The following ERBB2 variants were observed in gnomAD, a reference collection of about 807,000 sequenced individuals.
ERBB2 encodes receptor tyrosine-protein kinase erbB-2.
ERBB2 carries 61 observed loss-of-function variants against 149.0 expected under a neutral mutation model. The observed-to-expected ratio is 0.41, with a 90% CI of 0.33 to 0.51. The LOEUF (loss-of-function observed/expected upper bound fraction) is 0.51. Ranked by LOEUF, ERBB2 falls within the 20% of genes least tolerant of loss-of-function variation. The pLI, the probability that ERBB2 is intolerant of heterozygous loss-of-function variation, is 0.25. For missense variants in ERBB2, 1,205 were observed against 1,655.1 expected (o/e 0.73, Z 4.72); for synonymous variants, 633 against 678.8 (o/e 0.93, Z 1.05).
chr17:39,716,212 C>A (rs2145668901), intron 12 of ERBB2, 89 bp from the exon 13 acceptor site: 1 of 1,426,728 alleles, frequency 7.0e-7, no homozygotes. Flanking sequence ...CCCTCCAGCC[C>A]ACAGCCATGC....
At chr17:39,716,884 T>G in intron 14 of ERBB2, 1 of 505,500 alleles carries the variant, frequency 2.0e-6, no homozygotes. Context: ...GGCGTCAGAC[T>G]ACCTGGATTC....
At chr17:39,701,639 G>T (rs879703477) in intron 1 of ERBB2, among the ~76,000 whole-genome samples, 2 of 152,114 alleles carry the variant, frequency 1.3e-5, no homozygotes, top group Non-Finnish European at 2.9e-5. Context: ...CTACGCCAGG[G>T]TGTTCCTCAG....
At chr17:39,697,656 G>A (rs921529769), upstream of ERBB2, among the ~76,000 whole-genome samples, 1 of 150,690 alleles carries the variant, frequency 6.6e-6, no homozygotes, top group African/African-American at 2.4e-5. Flanking sequence ...GCACCCAGCC[G>A]TGCTAGGGTC....
chr17:39,720,245 T>TTTA (rs1373967197), intron 16 of ERBB2: 1 of 189,316 alleles, frequency 5.3e-6, no homozygotes, highest in Non-Finnish European at 1.1e-5. Flanking sequence ...GAGCAGGTAT[T>TTTA]GCACTTGCAT....
At chr17:39,688,114 C>T, upstream of ERBB2, 1 of 1,105,808 alleles carries the variant, frequency 9.0e-7, no homozygotes, top group East Asian at 3.2e-5. Context: ...CTACTCTCCG[C>T]TGAAGTCCAC....
chr17:39,710,960 C>T (rs952729455), intron 7 of ERBB2, among the ~76,000 whole-genome samples: 1 of 152,206 alleles, frequency 6.6e-6, no homozygotes, highest in Non-Finnish European at 1.5e-5. Context: ...ATCGCAGTGG[C>T]GCGATCTCGG....
At chr17:39,717,820 C>CACACACAT (rs1567907665) in intron 15 of ERBB2, among the ~76,000 whole-genome samples, 1 of 151,090 alleles carries the variant, frequency 6.6e-6, no homozygotes, top group African/African-American at 2.4e-5. Context: ...CACACACACA[C>CACACACAT]ATATGTATTT....
In ERBB2 at chr17:39,715,869, C is replaced by T. The variant is rs55984118; in HGVS notation, c.1443C>T (p.Pro481=). The T allele has an allele frequency of 1.2e-6, 2 of 1,612,802 alleles. No homozygotes were observed. Among genetic ancestry groups the T allele is most frequent in the Non-Finnish European group, 1.7e-6 (2 of 1,180,020 alleles). ...NTHLCFVHTV[P]WDQLFRNPHQ... Reference sequence around the variant, plus strand: ...ACCTCTGCTTCGTGCACACGGTGCCCTGGGACCAGCTCTTTCGGAACCCGC... The same window carrying T: ...ACCTCTGCTTCGTGCACACGGTGCCTTGGGACCAGCTCTTTCGGAACCCGC... Residue 481 remains proline (P), a synonymous_variant, in exon 12 of 27, where the codon CCC becomes CCT. Transcript: ENST00000269571.
rs550828061 is a variant in ERBB2, at chr17:39,700,073, T to C, written c.-166T>C. 34 of 1,270,832 alleles carry C rather than the reference T, an allele frequency of 2.7e-5. No individual in the cohort carries two copies. The highest frequency in any genetic ancestry group is 2.1e-4 in the Admixed American group (5 of 23,902). The allele number at this position is 1,270,832 out of a possible 1,614,324, so 78.7% of individuals were successfully genotyped here. A position where few individuals can be genotyped will look rare whatever the true frequency, so the allele number is the denominator to read the frequency against. ...TTGTGAAGCTGAGATTCCCCTCCAT[T>C]GGGACCGGAGAAACCAGGGGAGCCC... On this transcript the variant is annotated 5_prime_UTR_variant, in exon 1 of 27. Coordinates refer to ENST00000269571, the MANE Select transcript of ERBB2 (RefSeq NM_004448.4).
At position 39,727,813 on chromosome 17, in the gene ERBB2, GGTC is replaced by G. The variant is rs751889439; in HGVS notation, c.3541_3543del (p.Val1181del). On this transcript the variant is annotated inframe_deletion, in exon 27 of 27. Coordinates refer to ENST00000269571, the MANE Select transcript of ERBB2 (RefSeq NM_004448.4). The surrounding 1 kb of genome is among the most constrained non-coding windows in gnomAD (Gnocchi z 4.3). ...AGACTCTCTCCCCAGGGAAGAATGG[GGTC>G]GTCAAAGACGTTTTTGCCTTTGGGG... 3.3e-5 allele frequency: 53 copies of G among 1,613,454 alleles called. No individual in the cohort carries two copies. In the South Asian group the frequency reaches 5.4e-4, roughly 16 times the overall value.
upstream of ERBB2, among the ~76,000 whole-genome samples, chr17:39,697,240 G>T (rs2057883484): frequency 1.3e-5 from 2 of 151,904 alleles, no homozygotes; most frequent in African/African-American, 4.8e-5. Context: ...TTTCTCGAAT[G>T]TTTGTGACAG....
intron 2 of ERBB2, 166 bp downstream of exon 2, chr17:39,707,307 C>T: frequency 3.5e-6 from 2 of 571,842 alleles, no homozygotes; most frequent in Non-Finnish European, 5.9e-6. Context: ...CATTTTACTG[C>T]AGAATCAGTT....
At chr17:39,715,252 C>T (rs2145628104) in intron 9 of ERBB2, 34 bp from the exon 10 acceptor site, 1 of 1,594,606 alleles carries the variant, frequency 6.3e-7, no homozygotes, top group Non-Finnish European at 8.6e-7. Context: ...CACCCTGTTC[C>T]TGGCCCTGCT....
Position 39,716,579 on chromosome 17 carries a change from A to T in ERBB2, c.1711A>T (p.Asn571Tyr). 6.2e-7 allele frequency: 1 copy of T among 1,614,030 alleles called. No individual in the cohort carries two copies. The highest frequency in any genetic ancestry group is 8.5e-7 in the Non-Finnish European group (1 of 1,179,980). ...LPCHPECQPQ[N>Y]GSVTCFGPEA... ...GTGCCACCCTGAGTGTCAGCCCCAG[A>T]ATGGCTCAGTGACCTGTTTTGGACC... The change falls in exon 14 of 27, where the codon AAT becomes TAT. Residue 571 changes from asparagine to tyrosine, a missense_variant. Around this residue, in one of 6 missense-constraint regions of ERBB2, gnomAD observed 569 missense variants for 803.5 expected, o/e 0.71. Transcript: ENST00000269571.
rs200798611 is a variant in ERBB2 at position 39,717,316 on chromosome 17, C to A, written c.1738-4C>A. ...CCCCCACAAATCTTTTCTGCCCCCC[C>A]CAGGAGGCTGACCAGTGTGTGGCCT... On this transcript the variant is annotated splice_polypyrimidine_tract_variant and splice_region_variant and intron_variant, in intron 14 of 26. Coordinates refer to ENST00000269571, the MANE Select transcript of ERBB2 (RefSeq NM_004448.4). 2.4e-5 allele frequency: 39 copies of A among 1,602,990 alleles called. No individual in the cohort carries two copies. Among genetic ancestry groups the A allele is most frequent in the Middle Eastern group, 2.2e-4 (1 of 4,510 alleles).
chr17:39,691,988 G>T (rs1194010481), upstream of ERBB2, among the ~76,000 whole-genome samples: 2 of 144,134 alleles, frequency 1.4e-5, no homozygotes, highest in African/African-American at 2.6e-5. Flanking sequence ...CGAGTAGCTG[G>T]GATTACAGGT....
rs2145639098 is a variant in ERBB2 at position 39,715,476 on chromosome 17, G to A, written c.1253G>A (p.Ser418Asn). Residue 418 changes from serine to asparagine, a missense_variant, in exon 11 of 27, where the codon AGC (serine) becomes AAC (asparagine). Ser to Asn is a conservative substitution (Grantham distance 46). Around this residue, in one of 6 missense-constraint regions of ERBB2, gnomAD observed 569 missense variants for 803.5 expected, o/e 0.71. Coordinates refer to ENST00000269571, the MANE Select transcript of ERBB2 (RefSeq NM_004448.4). ...GYLYISAWPDSLPDLSVFQNL... is the reference protein window; with the variant it reads ...GYLYISAWPDNLPDLSVFQNL... ...CTATACATCTCAGCATGGCCGGACA[G>A]CCTGCCTGACCTCAGCGTCTTCCAG... 1 of 1,614,206 alleles carries A rather than the reference G, an allele frequency of 6.2e-7. No individual in the cohort carries two copies. Among genetic ancestry groups the A allele is most frequent in the Non-Finnish European group, 8.5e-7 (1 of 1,180,028 alleles).
rs2059868968 is a variant in ERBB2, at chr17:39,727,898, C to T, written c.3622C>T (p.His1208Tyr). ...TPQGGAAPQP[H>Y]PPPAFSPAFD... ...CCAGGGAGGAGCTGCCCCTCAGCCC[C>T]ACCCTCCTCCTGCCTTCAGCCCAGC... is the stretch of plus-strand genomic sequence containing the variant. The change falls in exon 27 of 27, where the codon CAC (histidine) becomes TAC (tyrosine). Residue 1208 changes from histidine (H) to tyrosine (Y), a missense_variant. This residue lies in a region of ERBB2 where 312 missense variants were observed against 343.8 expected (regional missense o/e 0.91). Coordinates refer to ENST00000269571, the MANE Select transcript of ERBB2 (RefSeq NM_004448.4). This position sits in a 1 kb window ranked among gnomAD's most constrained non-coding sequence, Gnocchi z 4.3. 1 of 1,614,112 alleles carries T rather than the reference C, an allele frequency of 6.2e-7. No homozygotes were observed. The highest frequency in any genetic ancestry group is 8.5e-7 in the Non-Finnish European group (1 of 1,179,996).
In ERBB2 at chr17:39,727,327, G is replaced by A. The variant is rs2143234978; in HGVS notation, c.3192G>A (p.Glu1064=). 6.2e-7 allele frequency: 1 copy of A among 1,612,670 alleles called. No homozygotes were observed. The highest frequency in any genetic ancestry group is 8.5e-7 in the Non-Finnish European group (1 of 1,179,646). Residue 1064 remains glutamate, a synonymous_variant, in exon 26 of 27, where the codon GAG becomes GAA. Transcript: ENST00000269571. This position sits in a 1 kb window ranked among gnomAD's most constrained non-coding sequence, Gnocchi z 4.3. The stretch of plus-strand genomic sequence containing the variant: ...GTGGGGACCTGACACTAGGGCTGGA[G>A]CCCTCTGAAGAGGAGGCCCCCAGGT... ...SGGGDLTLGL[E]PSEEEAPRSP... is the part of the protein sequence containing the mutation.
Sources: gnomAD v4.1 joint callset for allele counts (sites outside exome capture counted in the v4.1 genomes callset) on GRCh38, gnomAD v4.1.1 for gene constraint, gnomAD v4.1.1 regional missense constraint, Gnocchi (gnomAD v3.1) non-coding constraint, MANE v1.5 for transcripts, NCBI Gene and HGNC (gene_info 2026-07-23, HGNC 2026-07-21) for gene names.